CERS6: variants seen among roughly 807,000 people sequenced by gnomAD.
CERS6 encodes ceramide synthase 6, also known as LAG1 homolog, ceramide synthase 6.
A neutral mutation model predicts 56.8 loss-of-function variants in CERS6; 26 were observed. The observed-to-expected ratio is 0.46, with a 90% CI of 0.34 to 0.63. The LOEUF (loss-of-function observed/expected upper bound fraction) is 0.63, where lower values mean the gene tolerates loss of function less well. CERS6 is among the 30% of genes least tolerant of loss of function. CERS6 has a pLI of 0.01. For synonymous variants in CERS6, 164 were observed against 173.3 expected, an observed-to-expected ratio of 0.95 and a Z score of 0.42; for missense variants, 415 against 467.5, an observed-to-expected ratio of 0.89 and a Z score of 1.04.
chr2:168,774,511 A>G lies in CERS6; in HGVS notation c.*4849A>G, dbSNP rs1684950707. 6.6e-6 allele frequency: 1 copy of G among 152,188 alleles called. No individual in the cohort carries two copies. The highest frequency in any genetic ancestry group is 2.4e-5 in the African/African-American group (1 of 41,444). 9.4% of individuals were successfully genotyped at this position (152,188 alleles called of 1,614,324 possible). A position where few individuals can be genotyped will look rare whatever the true frequency, so the allele number is the denominator to read the frequency against. ...CTGTTGCGTGGCCTGGAAACCAGGG[A>G]GCAGCAACTATTGAGATGGTTTCTG... On this transcript the variant is annotated 3_prime_UTR_variant, in exon 10 of 10. Transcript: ENST00000305747.
intron 4 of CERS6, among the ~76,000 whole-genome samples, chr2:168,677,807 A>T (rs994132540): frequency 3.3e-5 from 5 of 152,178 alleles, no homozygotes; most frequent in Non-Finnish European, 5.9e-5. Context: ...ATGTGTCTTT[A>T]TAGTGGAATG....
chr2:168,620,439 A>T (rs762274392), intron 3 of CERS6, among the ~76,000 whole-genome samples: 20 of 152,188 alleles, frequency 1.3e-4, no homozygotes, highest in Non-Finnish European at 2.8e-4. Flanking sequence ...AAAGTTTTTT[A>T]AAAAAGAAAA....
intron 5 of CERS6, among the ~76,000 whole-genome samples, chr2:168,693,916 C>A (rs1034454046): frequency 2.6e-5 from 4 of 152,120 alleles, no homozygotes; most frequent in African/African-American, 7.2e-5. Context: ...TGTCAAAGAT[C>A]TATGCAGGAC....
chr2:168,592,229 T>C (rs1683688745), intron 3 of CERS6, among the ~76,000 whole-genome samples: 2 of 152,168 alleles, frequency 1.3e-5, no homozygotes, highest in Non-Finnish European at 2.9e-5. Context: ...AGGTGGTGTT[T>C]CAGAAAGACT....
intron 8 of CERS6, among the ~76,000 whole-genome samples, chr2:168,720,531 AC>A (rs1477179827): frequency 6.6e-6 from 1 of 152,148 alleles, no homozygotes; most frequent in Non-Finnish European, 1.5e-5. Context: ...AGGATAGTAT[AC>A]TGGTTAGCTG....
chr2:168,618,861 A>G (rs1684390542), intron 3 of CERS6, among the ~76,000 whole-genome samples: 1 of 152,202 alleles, frequency 6.6e-6, no homozygotes, highest in South Asian at 2.1e-4. Flanking sequence ...ATCATTCTTA[A>G]CAGAACTAGA....
intron 4 of CERS6, among the ~76,000 whole-genome samples, chr2:168,656,849 C>T (rs1014770919): frequency 6.6e-6 from 1 of 152,176 alleles, no homozygotes; most frequent in Non-Finnish European, 1.5e-5. Context: ...TGTCAGGGCG[C>T]TGATTGGTGC....
chr2:168,769,241 C>T (rs545737683), intron 9 of CERS6, among the ~76,000 whole-genome samples: 69 of 152,214 alleles, frequency 4.5e-4, no homozygotes, highest in Admixed American at 1.4e-3. Context: ...GATTCATGGT[C>T]TAGTATGTTC....
rs1684854275 is a variant in CERS6 at position 168,771,239 on chromosome 2, AT to A, written c.*1579del. On this transcript the variant is annotated 3_prime_UTR_variant, in exon 10 of 10. Coordinates refer to ENST00000305747, the MANE Select transcript of CERS6 (RefSeq NM_203463.3). ...CTCAGAACCATTCACATTTAATTCA[AT>A]TCTTGGAAAAAATTAAAGCTTTTTG... 6.6e-6 allele frequency: 1 copy of A among 152,204 alleles called. No individual in the cohort carries two copies. Among genetic ancestry groups the A allele is most frequent in the African/African-American group, 2.4e-5 (1 of 41,448 alleles). 9.4% of individuals were successfully genotyped at this position (152,204 alleles called of 1,614,324 possible).
intron 1 of CERS6, among the ~76,000 whole-genome samples, chr2:168,526,306 T>G (rs1177494440): frequency 6.6e-6 from 1 of 152,232 alleles, no homozygotes; most frequent in Non-Finnish European, 1.5e-5. Context: ...CTCTTTGATT[T>G]TAATCCTGTG....
chr2:168,718,553 C>G (rs1687284191), intron 8 of CERS6, among the ~76,000 whole-genome samples: 1 of 152,286 alleles, frequency 6.6e-6, no homozygotes, highest in Admixed American at 6.5e-5. Context: ...AGCTGTATAC[C>G]TTTCTAACCA....
chr2:168,520,136 G>A (rs1694951287), intron 1 of CERS6, among the ~76,000 whole-genome samples: 1 of 152,154 alleles, frequency 6.6e-6, no homozygotes, highest in African/African-American at 2.4e-5. Flanking sequence ...TCTGGTGTGA[G>A]ATCTTATCTC....
In CERS6 at chr2:168,631,010, G is replaced by C; in HGVS notation, c.433G>C (p.Val145Leu). The C allele has an allele frequency of 1.3e-6, 2 of 1,529,022 alleles. No individual in the cohort carries two copies. Among genetic ancestry groups the C allele is most frequent in the Non-Finnish European group, 1.8e-6 (2 of 1,122,628 alleles). 94.7% of individuals were successfully genotyped at this position (1,529,022 alleles called of 1,614,324 possible). The stretch of plus-strand genomic sequence containing the variant: ...GTGGAGATTTTCATTTTACCTTTAT[G>C]TATTTACCTACGGAGTCAGATTCCT... Reference protein sequence around the residue: ...SMWRFSFYLYVFTYGVRFLKK... With the variant: ...SMWRFSFYLYLFTYGVRFLKK... Residue 145 changes from valine (V) to leucine (L), a missense_variant, in exon 4 of 10, where the codon GTA becomes CTA. Val to Leu is a conservative substitution (Grantham distance 32, BLOSUM62 1). Transcript: ENST00000305747.
At chr2:168,478,628 C>T (rs1455881448) in intron 1 of CERS6, among the ~76,000 whole-genome samples, 2 of 152,184 alleles carry the variant, frequency 1.3e-5, no homozygotes, top group Non-Finnish European at 2.9e-5. Flanking sequence ...ATCTGGGCAT[C>T]ACCAGGTGAT....
chr2:168,698,223 C>G lies in CERS6; in HGVS notation c.609+3172C>G, dbSNP rs918428344. The stretch of plus-strand genomic sequence containing the variant: ...CTCCAGCCGGGGTGATAGAGCCAGA[C>G]CTTGTCTCACAGGAAAAAAAAAAAA... On this transcript the variant is annotated intron_variant, in intron 6 of 9. Transcript: ENST00000305747. Among the ~76,000 whole-genome samples the G allele has an allele frequency of 7.1e-4, 102 of 143,454 alleles. 2 individuals are homozygous for G. The highest frequency in any genetic ancestry group is 2.8e-4 in the Admixed American group (4 of 14,252). 94.1% of individuals were successfully genotyped at this position (143,454 alleles called of 152,430 possible). A position where few individuals can be genotyped will look rare whatever the true frequency, so the allele number is the denominator to read the frequency against.
chr2:168,555,152 T>C (rs1324637665), intron 2 of CERS6, among the ~76,000 whole-genome samples: 3 of 152,040 alleles, frequency 2.0e-5, no homozygotes, highest in Non-Finnish European at 4.4e-5. Flanking sequence ...CTTACAAAAA[T>C]TGATGCTGTA....
At chr2:168,737,572 T>A (rs1016182539) in intron 8 of CERS6, among the ~76,000 whole-genome samples, 7 of 152,356 alleles carry the variant, frequency 4.6e-5, no homozygotes, top group African/African-American at 1.4e-4. Context: ...TTACCCATGC[T>A]TATGACTCCA....
chr2:168,590,815 A>G (rs1264783946), intron 3 of CERS6, among the ~76,000 whole-genome samples: 2 of 152,220 alleles, frequency 1.3e-5, no homozygotes, highest in Non-Finnish European at 1.5e-5. Context: ...CATTTTATAG[A>G]CAAGGAAACT....
chr2:168,491,194 A>C (rs1254376511), intron 1 of CERS6, among the ~76,000 whole-genome samples: 2 of 152,230 alleles, frequency 1.3e-5, no homozygotes, highest in Non-Finnish European at 2.9e-5. Context: ...TTTGAAAGAA[A>C]ACAGGGTTAC....
Sources: allele counts gnomAD v4.1 joint callset (sites outside exome capture counted in the v4.1 genomes callset), GRCh38; gene constraint gnomAD v4.1.1; transcripts MANE v1.5; gene names NCBI Gene and HGNC (gene_info 2026-07-23, HGNC 2026-07-21).